Variants in EML6 observed in about 807,000 individuals in gnomAD.
The protein encoded by EML6 is echinoderm microtubule-associated protein-like 6.
Under a neutral mutation model 240.1 loss-of-function variants are expected in EML6, and 154 were observed. That is an observed-to-expected ratio of 0.64 (90% CI 0.56 to 0.73). EML6 has a LOEUF of 0.73. EML6 is among the 30% of genes least tolerant of loss of function. EML6 has a pLI of 0.00. For missense variants in EML6, 2,964 were observed against 2,474.6 expected, an observed-to-expected ratio of 1.20 and a Z score of -4.20; for synonymous variants, 1,148 against 899.0, an observed-to-expected ratio of 1.28 and a Z score of -4.95.
intron 2 of EML6, among the ~76,000 whole-genome samples, chr2:54,761,645 C>G (rs747314618): frequency 1.4e-4 from 22 of 152,080 alleles, no homozygotes; most frequent in Non-Finnish European, 2.6e-4. Context: ...TTTAATTTGT[C>G]TGAATTATGA....
chr2:54,885,119 T>C (rs977238897), intron 17 of EML6, among the ~76,000 whole-genome samples: 1 of 152,046 alleles, frequency 6.6e-6, no homozygotes, highest in African/African-American at 2.4e-5. Flanking sequence ...ATTGCGCCAC[T>C]GCACTCCAGC....
Position 54,780,242 on chromosome 2 carries a change from A to T in EML6, c.198-32990A>T, listed in dbSNP as rs546582548. On this transcript the variant is annotated intron_variant, in intron 2 of 41. Transcript: ENST00000356458. ...ATAATATCTATTGAAATGTAATTAG[A>T]AATGAATAATTAGTTAGATATGATA... 7.2e-5 allele frequency among the ~76,000 whole-genome samples: 11 copies of T among 152,356 alleles called. No homozygotes were observed. The East Asian group carries it at 1.9e-3, about 27-fold the overall frequency.
At chr2:54,791,592 T>C (rs919696029) in intron 2 of EML6, among the ~76,000 whole-genome samples, 1 of 152,212 alleles carries the variant, frequency 6.6e-6, no homozygotes, top group African/African-American at 2.4e-5. Flanking sequence ...TGAGGTACTA[T>C]AATAAAATAT....
intron 7 of EML6, among the ~76,000 whole-genome samples, chr2:54,835,563 C>G (rs1260871764): frequency 6.6e-6 from 1 of 152,194 alleles, no homozygotes; most frequent in Non-Finnish European, 1.5e-5. Context: ...ACTTAGTTCT[C>G]CTGCCCCAGA....
intron 7 of EML6, among the ~76,000 whole-genome samples, chr2:54,841,278 C>T (rs946264431): frequency 3.9e-5 from 6 of 152,226 alleles, no homozygotes; most frequent in African/African-American, 1.4e-4. Flanking sequence ...TGACCCTGAA[C>T]TACTGTTGCC....
intron 16 of EML6, among the ~76,000 whole-genome samples, chr2:54,876,247 A>C (rs1157885507): frequency 6.6e-6 from 1 of 152,218 alleles, no homozygotes; most frequent in East Asian, 1.9e-4. Context: ...GAGAACTGGG[A>C]AAGAGTAAAA....
chr2:54,886,160 C>CTTTTTTTTTTTTTTTTTTT (rs869107962), intron 17 of EML6, among the ~76,000 whole-genome samples: 4 of 82,218 alleles, frequency 4.9e-5, no homozygotes, highest in Non-Finnish European at 9.5e-5. Context: ...TTTTAACCTT[C>CTTTTTTTTTTTTTTTTTTT]TTTTTTTTTT....
chr2:54,732,960 G>A (rs1683237237), intron 2 of EML6, among the ~76,000 whole-genome samples: 1 of 152,192 alleles, frequency 6.6e-6, no homozygotes, highest in Non-Finnish European at 1.5e-5. Context: ...GGAGGTGAGT[G>A]GTATGGAAAG....
At chr2:54,794,778 C>T (rs59870168) in intron 2 of EML6, among the ~76,000 whole-genome samples, 9,320 of 152,168 alleles carry the variant, frequency 0.061, 935 homozygotes, top group African/African-American at 0.21. Context: ...TACGACATTA[C>T]GCTTACGTGA....
chr2:54,953,709 A>T (rs1676094460), intron 31 of EML6, among the ~76,000 whole-genome samples: 1 of 152,072 alleles, frequency 6.6e-6, no homozygotes, highest in Non-Finnish European at 1.5e-5. Flanking sequence ...CAACATGGTG[A>T]AATGCTGTCT....
In EML6 at chr2:54,853,678, G is replaced by A. The variant is rs1257494018; in HGVS notation, c.1480G>A (p.Gly494Arg). The change falls in exon 11 of 42, where the codon GGG becomes AGG. Residue 494 changes from glycine (G) to arginine (R), a missense_variant. Gly to Arg is a moderately radical substitution (Grantham distance 125). Coordinates refer to ENST00000356458, the MANE Select transcript of EML6 (RefSeq NM_001039753.4). ...TTTAACAAGTAAAGAAGAAATTAAA[G>A]GGATTCCTTGGGCCTCCTGGACATG... ...KPLTSKEEIK[G>R]IPWASWTCVK... The A allele has an allele frequency of 1.3e-6, 2 of 1,548,944 alleles. No individual in the cohort carries two copies.
intron 26 of EML6, among the ~76,000 whole-genome samples, chr2:54,927,420 C>G (rs1027906056): frequency 6.6e-6 from 1 of 152,212 alleles, no homozygotes; most frequent in Non-Finnish European, 1.5e-5. Flanking sequence ...ATACTGGTGA[C>G]TCTGTCACAA....
intron 15 of EML6, among the ~76,000 whole-genome samples, chr2:54,870,870 C>T (rs925982650): frequency 6.6e-6 from 1 of 152,118 alleles, no homozygotes; most frequent in Non-Finnish European, 1.5e-5. Flanking sequence ...TCCCATTTTT[C>T]CTTTTAAAGT....
intron 35 of EML6, among the ~76,000 whole-genome samples, chr2:54,961,013 G>A (rs1182193188): frequency 6.6e-6 from 1 of 151,686 alleles, no homozygotes; most frequent in Non-Finnish European, 1.5e-5. Flanking sequence ...ATCAGTCTAA[G>A]AATTTGCTTT....
intron 39 of EML6, 42 bp downstream of exon 39, chr2:54,967,145 G>A: frequency 7.0e-6 from 9 of 1,286,564 alleles, no homozygotes; most frequent in Non-Finnish European, 8.8e-6. Context: ...AGGTCACAAG[G>A]GAGTCTCTTG....
At chr2:54,955,450 A>G (rs1454961687) in intron 32 of EML6, among the ~76,000 whole-genome samples, 1 of 152,120 alleles carries the variant, frequency 6.6e-6, no homozygotes, top group East Asian at 1.9e-4. Context: ...TCACTTCACA[A>G]GGCAGCCCAC....
At chr2:54,773,071 T>C (rs1286820435) in intron 2 of EML6, among the ~76,000 whole-genome samples, 1 of 151,956 alleles carries the variant, frequency 6.6e-6, no homozygotes, top group Non-Finnish European at 1.5e-5. Flanking sequence ...CTAAAGAGAG[T>C]GGTAAGCCTC....
At chr2:54,941,153 T>G (rs1223718341) in intron 28 of EML6, among the ~76,000 whole-genome samples, 1 of 152,250 alleles carries the variant, frequency 6.6e-6, no homozygotes, top group African/African-American at 2.4e-5. Context: ...TGCAATAATT[T>G]TATATGTTTA....
intron 2 of EML6, among the ~76,000 whole-genome samples, chr2:54,800,258 C>T (rs1326457521): frequency 6.6e-6 from 1 of 152,036 alleles, no homozygotes; most frequent in African/African-American, 2.4e-5. Context: ...ATTTTGTTTG[C>T]TCTGGAGGAG....
Sources: allele counts gnomAD v4.1 joint callset (sites outside exome capture counted in the v4.1 genomes callset), GRCh38; gene constraint gnomAD v4.1.1; transcripts MANE v1.5; gene names NCBI Gene and HGNC (gene_info 2026-07-23, HGNC 2026-07-21).